Variants in DNM3 observed in about 807,000 individuals in gnomAD.
DNM3 encodes the protein dynamin 3.
A neutral mutation model predicts 101.6 loss-of-function variants in DNM3; 47 were observed. That is an observed-to-expected ratio of 0.46 (90% CI 0.37 to 0.59). The LOEUF (loss-of-function observed/expected upper bound fraction) is 0.59. Among genes scored for constraint, DNM3 ranks in the 20% least tolerant of loss-of-function variants. The pLI is 0.00. For synonymous variants in DNM3, 385 were observed against 387.9 expected, an observed-to-expected ratio of 0.99 and a Z score of 0.09; for missense variants, 849 against 1,085.7, an observed-to-expected ratio of 0.78 and a Z score of 3.06.
intron 14 of DNM3, among the ~76,000 whole-genome samples, chr1:172,224,847 G>A (rs1389179108): frequency 2.0e-5 from 3 of 152,180 alleles, no homozygotes; most frequent in Non-Finnish European, 2.9e-5. Flanking sequence ...AGCAGGGTGC[G>A]AGCCCAGGAT....
chr1:172,226,299 G>C (rs2061117726), intron 14 of DNM3, among the ~76,000 whole-genome samples: 1 of 152,020 alleles, frequency 6.6e-6, no homozygotes, highest in Non-Finnish European at 1.5e-5. Flanking sequence ...AAAGAAACCT[G>C]GTATAGACTT....
chr1:172,228,001 C>T (rs1254616855), intron 14 of DNM3, among the ~76,000 whole-genome samples: 1 of 152,054 alleles, frequency 6.6e-6, no homozygotes, highest in Non-Finnish European at 1.5e-5. Context: ...CTCTCCTTGA[C>T]ACTTTTCTAT....
intron 4 of DNM3, among the ~76,000 whole-genome samples, chr1:172,024,786 T>C (rs539384294): frequency 6.6e-5 from 10 of 152,344 alleles, no homozygotes; most frequent in Admixed American, 2.6e-4. Flanking sequence ...ACTATGCTTT[T>C]CCCACGGTCT....
intron 14 of DNM3, among the ~76,000 whole-genome samples, chr1:172,170,207 A>C (rs563015829): frequency 6.6e-6 from 1 of 152,032 alleles, no homozygotes; most frequent in South Asian, 2.1e-4. Context: ...TATATGTTAA[A>C]TACTTATTTT....
intron 14 of DNM3, among the ~76,000 whole-genome samples, chr1:172,164,231 T>TC (rs2058666102): frequency 9.9e-6 from 1 of 100,644 alleles, no homozygotes; most frequent in Admixed American, 9.3e-5. Context: ...TCTTTTCTTT[T>TC]CTTTTTTTTT....
chr1:171,920,049 G>T (rs1021570899), intron 1 of DNM3, among the ~76,000 whole-genome samples: 1 of 152,146 alleles, frequency 6.6e-6, no homozygotes, highest in Non-Finnish European at 1.5e-5. Context: ...CATTCTAAAT[G>T]AACTTTGGTC....
At chr1:171,967,382 A>G (rs6425518) in intron 2 of DNM3, among the ~76,000 whole-genome samples, 41,687 of 151,928 alleles carry the variant, frequency 0.27, 6,201 homozygotes, top group Admixed American at 0.36. Flanking sequence ...GTAGAAAACA[A>G]TTCCCCAAAA....
rs2149134427 is a variant in DNM3, at chr1:172,409,997, G to A, written c.*2156G>A. 1 of 985,568 alleles carries A rather than the reference G, an allele frequency of 1.0e-6. No individual in the cohort carries two copies. Among genetic ancestry groups the A allele is most frequent in the Non-Finnish European group, 1.2e-6 (1 of 829,816 alleles). The allele number at this position is 985,568 out of a possible 1,614,324, so 61.1% of individuals were successfully genotyped here. On this transcript the variant is annotated 3_prime_UTR_variant, in exon 21 of 21. Coordinates refer to ENST00000627582, the MANE Select transcript of DNM3 (RefSeq NM_015569.5). ...TGATCTTAGGCAGTAATAAACAATG[G>A]CATTTGTCATCTTTGGCACTTGCTT...
intron 2 of DNM3, among the ~76,000 whole-genome samples, chr1:171,924,219 T>C (rs2040390504): frequency 6.6e-6 from 1 of 152,172 alleles, no homozygotes; most frequent in African/African-American, 2.4e-5. Flanking sequence ...CTGGGTCAAA[T>C]GGTAGTTCTA....
chr1:172,181,045 T>C (rs866433417), intron 14 of DNM3, among the ~76,000 whole-genome samples: 7 of 152,108 alleles, frequency 4.6e-5, no homozygotes, highest in South Asian at 2.1e-4. Context: ...CAGCTCTTCC[T>C]TAGCTGAGCT....
intron 1 of DNM3, among the ~76,000 whole-genome samples, chr1:171,874,022 A>T (rs1017934744): frequency 6.6e-6 from 1 of 152,218 alleles, no homozygotes; most frequent in Non-Finnish European, 1.5e-5. Flanking sequence ...TGAAGTATAT[A>T]TTAGAGTACA....
chr1:172,381,093 TGAAAGAAAGAAA>T (rs1375934063), intron 18 of DNM3: 1 of 143,958 alleles, frequency 6.9e-6, no homozygotes, highest in East Asian at 2.1e-4. Flanking sequence ...ACACACACAC[TGAAAGAAAGAAA>T]GAAAGAAATG....
At chr1:172,062,280 CAT>C (rs2051294526) in intron 10 of DNM3, among the ~76,000 whole-genome samples, 1 of 152,044 alleles carries the variant, frequency 6.6e-6, no homozygotes, top group Non-Finnish European at 1.5e-5. Context: ...GTTTTGCCAC[CAT>C]GTCAACCCAC....
chr1:172,183,634 C>T (rs991222445), intron 14 of DNM3, among the ~76,000 whole-genome samples: 2 of 151,688 alleles, frequency 1.3e-5, no homozygotes, highest in Admixed American at 1.3e-4. Flanking sequence ...AGGGTCTCAC[C>T]CTGTCACCCA....
chr1:172,170,691 T>A (rs2058923867), intron 14 of DNM3, among the ~76,000 whole-genome samples: 1 of 151,814 alleles, frequency 6.6e-6, no homozygotes, highest in Non-Finnish European at 1.5e-5. Flanking sequence ...TGCTTTGTTT[T>A]TCTGACTGAA....
chr1:172,202,082 TGTGA>T (rs1261119779), intron 14 of DNM3, among the ~76,000 whole-genome samples: 1 of 152,146 alleles, frequency 6.6e-6, no homozygotes, highest in African/African-American at 2.4e-5. Flanking sequence ...TTAGCCCCAA[TGTGA>T]GTACCTGGAT....
At chr1:172,298,759 T>C (rs1383887563) in intron 15 of DNM3, among the ~76,000 whole-genome samples, 1 of 151,840 alleles carries the variant, frequency 6.6e-6, no homozygotes, top group Non-Finnish European at 1.5e-5. Flanking sequence ...CATTGGAGTT[T>C]ATGGGCTAGT....
intron 17 of DNM3, among the ~76,000 whole-genome samples, chr1:172,369,137 A>G (rs1415252481): frequency 4.0e-5 from 6 of 151,898 alleles, no homozygotes; most frequent in Admixed American, 2.6e-4. Context: ...TGAGGCCAGC[A>G]TTACAAAGCC....
At chr1:172,107,112 G>T (rs1328571201) in intron 13 of DNM3, among the ~76,000 whole-genome samples, 1 of 150,230 alleles carries the variant, frequency 6.7e-6, no homozygotes, top group African/African-American at 2.5e-5. Flanking sequence ...CACCCGCCTC[G>T]GCCTCCCAAA....
Sources: allele counts gnomAD v4.1 joint callset (sites outside exome capture counted in the v4.1 genomes callset), GRCh38; gene constraint gnomAD v4.1.1; transcripts MANE v1.5; gene names NCBI Gene and HGNC (gene_info 2026-07-23, HGNC 2026-07-21).